The following ROBO1 variants were observed in gnomAD, a reference collection of about 807,000 sequenced individuals.
ROBO1 encodes the protein roundabout homolog 1.
A neutral mutation model predicts 195.9 loss-of-function variants in ROBO1; 149 were observed. The ratio of observed to expected loss-of-function variants is 0.76; its 90% CI spans 0.67 to 0.87. The LOEUF (loss-of-function observed/expected upper bound fraction) is 0.87, where lower values mean the gene tolerates loss of function less well. Among genes scored for constraint, ROBO1 ranks in the 40% least tolerant of loss-of-function variants. ROBO1 has a pLI of 0.00. For missense variants in ROBO1, 1,933 were observed against 2,068.3 expected (o/e 0.93, Z 1.27); for synonymous variants, 816 against 733.2 (o/e 1.11, Z -1.82).
intron 2 of ROBO1, among the ~76,000 whole-genome samples, chr3:79,328,068 A>T (rs561765144): frequency 1.7e-4 from 26 of 152,346 alleles, no homozygotes; most frequent in South Asian, 1.2e-3. Flanking sequence ...CATGTAAAAT[A>T]TGACATTAAT....
intron 3 of ROBO1, among the ~76,000 whole-genome samples, chr3:79,056,914 A>G (rs2078820189): frequency 6.6e-6 from 1 of 152,106 alleles, no homozygotes; most frequent in African/African-American, 2.4e-5. Context: ...GGATGAGCTC[A>G]GTGTAGAATA....
intron 3 of ROBO1, among the ~76,000 whole-genome samples, chr3:79,022,129 G>A (rs146832831): frequency 3.1e-4 from 47 of 152,212 alleles, no homozygotes; most frequent in African/African-American, 1.1e-3. Flanking sequence ...TGGTAAAGAT[G>A]GCATGCAAAG....
At chr3:78,862,103 C>T (rs888804357) in intron 4 of ROBO1, among the ~76,000 whole-genome samples, 2 of 152,036 alleles carry the variant, frequency 1.3e-5, no homozygotes, top group Non-Finnish European at 2.9e-5. Context: ...TCTAGATGGG[C>T]CCCATCTAAT....
intron 1 of ROBO1, among the ~76,000 whole-genome samples, chr3:79,753,055 A>G (rs767709482): frequency 2.0e-5 from 3 of 152,178 alleles, no homozygotes; most frequent in Admixed American, 6.5e-5. Flanking sequence ...ATGAAGAGGC[A>G]TAGTAAAGCC....
intron 4 of ROBO1, among the ~76,000 whole-genome samples, chr3:78,800,275 G>T (rs1009423332): frequency 6.6e-6 from 1 of 152,010 alleles, no homozygotes; most frequent in African/African-American, 2.4e-5. Flanking sequence ...GATAACTAAG[G>T]TATTTACCAA....
intron 3 of ROBO1, among the ~76,000 whole-genome samples, chr3:79,043,985 A>C (rs2078538554): frequency 6.6e-6 from 1 of 152,128 alleles, no homozygotes; most frequent in South Asian, 2.1e-4. Flanking sequence ...GCTGCATTAA[A>C]ATTTACCTTG....
At chr3:79,260,678 A>G (rs2082922891) in intron 2 of ROBO1, among the ~76,000 whole-genome samples, 1 of 152,150 alleles carries the variant, frequency 6.6e-6, no homozygotes, top group African/African-American at 2.4e-5. Context: ...GAGCTGTTCA[A>G]TGGGATGAGT....
chr3:79,631,154 A>C (rs1444577560), intron 1 of ROBO1, among the ~76,000 whole-genome samples: 1 of 148,956 alleles, frequency 6.7e-6, no homozygotes. Flanking sequence ...AAATTCTAAA[A>C]TTCATATGGA....
chr3:78,963,889 A>T (rs924376148), intron 3 of ROBO1, among the ~76,000 whole-genome samples: 2 of 152,186 alleles, frequency 1.3e-5, no homozygotes, highest in African/African-American at 2.4e-5. Flanking sequence ...TGAATGTATT[A>T]GTTTCTTTGG....
chr3:79,274,722 A>C (rs909901296), intron 2 of ROBO1, among the ~76,000 whole-genome samples: 1 of 152,016 alleles, frequency 6.6e-6, no homozygotes, highest in Non-Finnish European at 1.5e-5. Context: ...AAGATCAATA[A>C]AATTGTAAAA....
chr3:78,791,639 G>A (rs1303924315), intron 4 of ROBO1, among the ~76,000 whole-genome samples: 1 of 152,132 alleles, frequency 6.6e-6, no homozygotes, highest in African/African-American at 2.4e-5. Context: ...ATTCGTATCT[G>A]CGTCTGCTGA....
At chr3:79,388,242 T>C (rs1005489413) in intron 2 of ROBO1, among the ~76,000 whole-genome samples, 3 of 152,122 alleles carry the variant, frequency 2.0e-5, no homozygotes, top group Non-Finnish European at 4.4e-5. Context: ...AGAATGTAAG[T>C]GCTATGAAAG....
intron 4 of ROBO1, among the ~76,000 whole-genome samples, chr3:78,765,291 C>T (rs898145300): frequency 1.3e-5 from 2 of 151,950 alleles, no homozygotes; most frequent in Non-Finnish European, 2.9e-5. Context: ...CAAGACAGAA[C>T]ATCCTAATCT....
intron 4 of ROBO1, among the ~76,000 whole-genome samples, chr3:78,910,404 A>G (rs1234152114): frequency 6.6e-6 from 1 of 151,886 alleles, no homozygotes; most frequent in Non-Finnish European, 1.5e-5. Flanking sequence ...TCACCCGAGG[A>G]CTGGCAAATT....
intron 3 of ROBO1, among the ~76,000 whole-genome samples, chr3:78,971,394 A>G (rs1410697079): frequency 6.6e-6 from 1 of 152,116 alleles, no homozygotes; most frequent in Non-Finnish European, 1.5e-5. Flanking sequence ...ACCCTGTCTC[A>G]AAAAAAGAAG....
At chr3:79,179,304 A>T (rs181299664) in intron 2 of ROBO1, among the ~76,000 whole-genome samples, 3 of 152,338 alleles carry the variant, frequency 2.0e-5, no homozygotes, top group South Asian at 2.1e-4. Context: ...TTCCTTAATT[A>T]AAAAATCTGA....
intron 4 of ROBO1, among the ~76,000 whole-genome samples, chr3:78,839,331 G>A (rs922837164): frequency 9.2e-5 from 14 of 151,924 alleles, no homozygotes; most frequent in African/African-American, 3.4e-4. Flanking sequence ...GTATAATAAT[G>A]TATGATGTAA....
chr3:79,045,973 AGGTTATT>A (rs1369994849), intron 3 of ROBO1, among the ~76,000 whole-genome samples: 6 of 152,270 alleles, frequency 3.9e-5, no homozygotes, highest in Admixed American at 1.3e-4. Context: ...TTATGAATGT[AGGTTATT>A]GTGGTAGGTA....
At chr3:79,675,935 C>T (rs577404900) in intron 1 of ROBO1, among the ~76,000 whole-genome samples, 25 of 152,090 alleles carry the variant, frequency 1.6e-4, no homozygotes, top group African/African-American at 4.6e-4. Context: ...GCACAATTGT[C>T]GATAAAAAGG....
Sources: gnomAD v4.1 joint callset for allele counts (sites outside exome capture counted in the v4.1 genomes callset) on GRCh38, gnomAD v4.1.1 for gene constraint, MANE v1.5 for transcripts, NCBI Gene and HGNC (gene_info 2026-07-23, HGNC 2026-07-21) for gene names.